RARS2: variants seen among roughly 807,000 people sequenced by gnomAD.
The protein encoded by RARS2 is probable arginine--tRNA ligase, mitochondrial.
Under a neutral mutation model 88.5 loss-of-function variants are expected in RARS2, and 67 were observed. The ratio of observed to expected loss-of-function variants is 0.76; its 90% CI spans 0.62 to 0.93. The LOEUF (loss-of-function observed/expected upper bound fraction) is 0.93. RARS2 is among the 40% of genes least tolerant of loss of function. The probability of loss-of-function intolerance (pLI) is 0.00; values close to 1 mark genes in which losing one functional copy is unlikely to be tolerated. For synonymous variants in RARS2, 239 were observed against 230.3 expected (o/e 1.04, Z -0.34); for missense variants, 664 against 684.2 (o/e 0.97, Z 0.33).
intron 2 of RARS2, among the ~76,000 whole-genome samples, chr6:87,568,666 C>T (rs756314347): frequency 4.6e-5 from 7 of 152,144 alleles, no homozygotes; most frequent in African/African-American, 9.7e-5. Flanking sequence ...TATAAAAAGC[C>T]GCAGTGGGCC....
intron 5 of RARS2, among the ~76,000 whole-genome samples, chr6:87,553,739 T>C (rs141636523): frequency 6.6e-6 from 1 of 152,330 alleles, no homozygotes; most frequent in African/African-American, 2.4e-5. Context: ...AGTTCCTCTC[T>C]AGTGTGAAGA....
At chr6:87,551,848 AAAG>A (rs937598662) in intron 5 of RARS2, among the ~76,000 whole-genome samples, 2 of 152,114 alleles carry the variant, frequency 1.3e-5, no homozygotes, top group African/African-American at 4.8e-5. Context: ...CATGTTGAGA[AAAG>A]AAAAGAAAAG....
intron 1 of RARS2, among the ~76,000 whole-genome samples, chr6:87,584,101 G>A (rs903594982): frequency 6.6e-6 from 1 of 152,178 alleles, no homozygotes; most frequent in African/African-American, 2.4e-5. Context: ...CCAGAGCAAA[G>A]GGCAGGCATG....
Position 87,519,500 on chromosome 6 carries a change from TA to T in RARS2, c.1237+82del, listed in dbSNP as rs562146157. 5.7e-3 allele frequency: 8,215 copies of T among 1,449,862 alleles called. 55 individuals carry two copies. Among genetic ancestry groups the T allele is most frequent in the Middle Eastern group, 0.014 (60 of 4,218 alleles). The allele number at this position is 1,449,862 out of a possible 1,614,324, so 89.8% of individuals were successfully genotyped here. A position where few individuals can be genotyped will look rare whatever the true frequency, so the allele number is the denominator to read the frequency against. On this transcript the variant is annotated intron_variant, in intron 14 of 19. Transcript: ENST00000369536. The stretch of plus-strand genomic sequence containing the variant: ...TGACACTTCAATGGAGGGACAGACA[TA>T]ATAAATCACACTGCCCAAAGTCCAG...
chr6:87,548,143 T>C (rs1477953342), intron 6 of RARS2, among the ~76,000 whole-genome samples: 2 of 152,128 alleles, frequency 1.3e-5, no homozygotes, highest in Non-Finnish European at 2.9e-5. Flanking sequence ...CTTGGGAGGC[T>C]GAGGCAGGAG....
chr6:87,525,969 T>C (rs1201291332), intron 10 of RARS2, among the ~76,000 whole-genome samples: 2 of 152,068 alleles, frequency 1.3e-5, no homozygotes, highest in Non-Finnish European at 2.9e-5. Flanking sequence ...GGAGGTAAAA[T>C]ATCTGTACAC....
At chr6:87,548,068 C>T (rs778774662) in intron 6 of RARS2, among the ~76,000 whole-genome samples, 8 of 152,160 alleles carry the variant, frequency 5.3e-5, no homozygotes, top group Non-Finnish European at 1.0e-4. Context: ...TAAGTAGAAA[C>T]CTTGTCTCTA....
At chr6:87,535,613 T>C (rs1778867467) in intron 8 of RARS2, among the ~76,000 whole-genome samples, 1 of 152,052 alleles carries the variant, frequency 6.6e-6, no homozygotes. Context: ...AAATAGAACC[T>C]TTGGAGGCCA....
chr6:87,578,748 C>T (rs1772398640), intron 1 of RARS2, among the ~76,000 whole-genome samples: 1 of 152,080 alleles, frequency 6.6e-6, no homozygotes, highest in South Asian at 2.1e-4. Context: ...CACCTGAGGT[C>T]AGGAGATCAA....
At chr6:87,514,936 A>C in intron 19 of RARS2, 21 bp downstream of exon 19, 1 of 1,588,978 alleles carries the variant, frequency 6.3e-7, no homozygotes, top group Non-Finnish European at 8.6e-7. Context: ...GATTATACAG[A>C]AAACATTCAA....
At position 87,562,803 on chromosome 6, in the gene RARS2, C is replaced by T. The variant is rs376815245; in HGVS notation, c.214-18G>A. 12 of 1,589,722 alleles carry T rather than the reference C, an allele frequency of 7.5e-6. No individual in the cohort carries two copies. The highest frequency in any genetic ancestry group is 1.0e-5 in the Non-Finnish European group (12 of 1,157,926). ...CATCTTAGCTGAAAAGAACAAATCA[C>T]ACAAAGTAGGTATGTTATATAATAG... On this transcript the variant is annotated intron_variant, in intron 3 of 19. Coordinates refer to ENST00000369536, the MANE Select transcript of RARS2 (RefSeq NM_020320.5).
chr6:87,545,422 G>C (rs1782303192), intron 7 of RARS2, among the ~76,000 whole-genome samples, 194 bp downstream of exon 7: 1 of 151,180 alleles, frequency 6.6e-6, no homozygotes, highest in Non-Finnish European at 1.5e-5. Context: ...CTTCCCCAAA[G>C]GTAACTTGTG....
chr6:87,587,635 T>C (rs1409546857), intron 1 of RARS2, among the ~76,000 whole-genome samples: 1 of 152,214 alleles, frequency 6.6e-6, no homozygotes, highest in Non-Finnish European at 1.5e-5. Context: ...AGTTATTTAA[T>C]CTCTGTGGAT....
In RARS2 at chr6:87,514,416, C is replaced by A. The variant is rs1432875613; in HGVS notation, c.1734G>T (p.Met578Ile). Residue 578 changes from methionine to isoleucine, a missense_variant, in exon 20 of 20, where the codon ATG becomes ATT. Physicochemically the swap from Met to Ile is conservative, Grantham distance 10 (BLOSUM62 1). Coordinates refer to ENST00000369536, the MANE Select transcript of RARS2 (RefSeq NM_020320.5). Reference protein sequence around the residue: ...KLLGITPVCRM With the variant: ...KLLGITPVCRI ...TTAAAAGCCATTTTAATGGAAATTA[C>A]ATCCTACATACAGGTGTTATTCCAA... 2 of 1,595,956 alleles carry A rather than the reference C, an allele frequency of 1.3e-6. No individual in the cohort carries two copies. Among genetic ancestry groups the A allele is most frequent in the East Asian group, 4.5e-5 (2 of 44,662 alleles).
intron 1 of RARS2, among the ~76,000 whole-genome samples, chr6:87,589,540 T>TG (rs1196506459): frequency 6.6e-6 from 1 of 152,076 alleles, no homozygotes; most frequent in Non-Finnish European, 1.5e-5. Flanking sequence ...AGCTTTAAAA[T>TG]GAGGTCCTTC....
chr6:87,539,123 G>T (rs887252163), intron 8 of RARS2, among the ~76,000 whole-genome samples: 3 of 152,142 alleles, frequency 2.0e-5, no homozygotes, highest in African/African-American at 4.8e-5. Context: ...CTATTTGCAA[G>T]ATTAAATAAA....
intron 1 of RARS2, among the ~76,000 whole-genome samples, chr6:87,571,062 G>T: frequency 6.6e-6 from 1 of 152,134 alleles, no homozygotes; most frequent in East Asian, 1.9e-4. Flanking sequence ...ATGCCATATT[G>T]ATATGGTTTG....
intron 2 of RARS2, among the ~76,000 whole-genome samples, chr6:87,567,533 C>G (rs1768289389): frequency 6.6e-6 from 1 of 152,090 alleles, no homozygotes; most frequent in African/African-American, 2.4e-5. Flanking sequence ...TAAATTAATT[C>G]ATTATATTAA....
chr6:87,566,931 G>A (rs1768046619), intron 2 of RARS2, among the ~76,000 whole-genome samples: 1 of 151,946 alleles, frequency 6.6e-6, no homozygotes. Flanking sequence ...AGGCATGGTG[G>A]CTCAAGCCTG....
Sources: gnomAD v4.1 joint callset for allele counts (sites outside exome capture counted in the v4.1 genomes callset) on GRCh38, gnomAD v4.1.1 for gene constraint, MANE v1.5 for transcripts, NCBI Gene and HGNC (gene_info 2026-07-23, HGNC 2026-07-21) for gene names.